The following PDE7B variants were observed in gnomAD, a reference collection of about 807,000 sequenced individuals.
PDE7B encodes the protein 3',5'-cyclic-AMP phosphodiesterase 7B.
PDE7B carries 29 observed loss-of-function variants against 56.2 expected under a neutral mutation model. That is an observed-to-expected ratio of 0.52 (90% confidence interval 0.38 to 0.70). The LOEUF (loss-of-function observed/expected upper bound fraction) is 0.70. Ranked by LOEUF, PDE7B falls within the 30% of genes least tolerant of loss-of-function variation. PDE7B has a pLI of 0.00. For synonymous variants in PDE7B, 197 were observed against 196.9 expected, an observed-to-expected ratio of 1.00 and a Z score of 0.00; for missense variants, 490 against 565.0, an observed-to-expected ratio of 0.87 and a Z score of 1.35.
chr6:136,036,668 C>G (rs1776329923), intron 2 of PDE7B, among the ~76,000 whole-genome samples: 1 of 152,170 alleles, frequency 6.6e-6, no homozygotes, highest in Non-Finnish European at 1.5e-5. Context: ...CCTCCTCTCT[C>G]CCATGAAGAA....
intron 3 of PDE7B, among the ~76,000 whole-genome samples, chr6:136,143,354 T>A (rs1778360069): frequency 6.6e-6 from 1 of 151,896 alleles, no homozygotes; most frequent in African/African-American, 2.4e-5. Context: ...CCATGTCTAT[T>A]ATATTTTTTT....
chr6:136,191,921 C>T lies in PDE7B; in HGVS notation c.*81C>T. ...GCAGCGTGGAGGGGCCCTCACGCAG[C>T]AGCCCAGCCACTTTCTGAGTGTTGT... On this transcript the variant is annotated 3_prime_UTR_variant, in exon 13 of 13. Coordinates refer to ENST00000308191, the MANE Select transcript of PDE7B (RefSeq NM_018945.4). 9.7e-7 allele frequency: 1 copy of T among 1,027,380 alleles called. No individual in the cohort carries two copies. The highest frequency in any genetic ancestry group is 1.4e-6 in the Non-Finnish European group (1 of 695,952). 63.6% of individuals were successfully genotyped at this position (1,027,380 alleles called of 1,614,324 possible).
At chr6:135,985,889 C>T (rs1775368317) in intron 2 of PDE7B, among the ~76,000 whole-genome samples, 1 of 152,146 alleles carries the variant, frequency 6.6e-6, no homozygotes, top group Admixed American at 6.5e-5. Context: ...TGTTTTCTGT[C>T]TCCAGATCCC....
intron 2 of PDE7B, among the ~76,000 whole-genome samples, chr6:135,956,853 A>G (rs1052269869): frequency 6.6e-6 from 1 of 151,832 alleles, no homozygotes; most frequent in Non-Finnish European, 1.5e-5. Context: ...AGAAAGAAAG[A>G]AGAAAAGAAA....
At chr6:136,174,291 T>C (rs145237264) in intron 9 of PDE7B, among the ~76,000 whole-genome samples, 1 of 152,334 alleles carries the variant, frequency 6.6e-6, no homozygotes, top group African/African-American at 2.4e-5. Flanking sequence ...CAAAAAAGTA[T>C]ATTTTGTAAT....
chr6:135,879,419 C>T (rs1379302559), intron 1 of PDE7B, among the ~76,000 whole-genome samples: 3 of 151,920 alleles, frequency 2.0e-5, no homozygotes, highest in Admixed American at 6.6e-5. Context: ...AACTGATCAG[C>T]GAGAAAGCCA....
intron 1 of PDE7B, among the ~76,000 whole-genome samples, chr6:135,934,828 A>T: frequency 2.7e-5 from 2 of 73,354 alleles, no homozygotes; most frequent in African/African-American, 4.2e-5. Context: ...ATATTTAATA[A>T]ATAAATATAT....
intron 2 of PDE7B, among the ~76,000 whole-genome samples, chr6:135,994,266 A>C (rs1277841544): frequency 6.6e-6 from 1 of 152,098 alleles, no homozygotes; most frequent in Admixed American, 6.5e-5. Flanking sequence ...CTTCAGAATA[A>C]GCACATTTGT....
chr6:135,879,283 A>C (rs900385348), intron 1 of PDE7B, among the ~76,000 whole-genome samples: 2 of 152,180 alleles, frequency 1.3e-5, no homozygotes, highest in African/African-American at 4.8e-5. Context: ...TGAAGTAAAT[A>C]GACCTTTTCC....
chr6:135,887,405 A>G (rs969476994), intron 1 of PDE7B, among the ~76,000 whole-genome samples: 6 of 152,164 alleles, frequency 3.9e-5, no homozygotes, highest in African/African-American at 1.4e-4. Flanking sequence ...AACTGTACAG[A>G]CTTAAAATAA....
intron 6 of PDE7B, among the ~76,000 whole-genome samples, chr6:136,152,702 T>C (rs1207459129): frequency 6.6e-6 from 1 of 152,260 alleles, no homozygotes; most frequent in Non-Finnish European, 1.5e-5. Context: ...CTCTGCCATT[T>C]ACATGTTTCT....
chr6:135,931,865 A>T lies in PDE7B; in HGVS notation c.22-15599A>T, dbSNP rs140146583. 2.8e-3 allele frequency among the ~76,000 whole-genome samples: 432 copies of T among 152,256 alleles called. 1 individual carries two copies. The highest frequency in any genetic ancestry group is 5.0e-3 in the Non-Finnish European group (342 of 68,008). On this transcript the variant is annotated intron_variant, in intron 1 of 12. Transcript: ENST00000308191. Reference sequence around the variant, plus strand: ...TGCACACAAACAGAAATGTACATTGAACTAAAAATCTTTGTACAATGAGGT... The same window carrying T: ...TGCACACAAACAGAAATGTACATTGTACTAAAAATCTTTGTACAATGAGGT...
At chr6:135,966,014 TAAAC>T (rs940523749) in intron 2 of PDE7B, among the ~76,000 whole-genome samples, 2 of 152,204 alleles carry the variant, frequency 1.3e-5, no homozygotes, top group African/African-American at 4.8e-5. Context: ...CCATTGTCCT[TAAAC>T]AAGCACTGAA....
intron 2 of PDE7B, among the ~76,000 whole-genome samples, chr6:136,101,884 C>T (rs865833955): frequency 2.1e-4 from 32 of 152,156 alleles, no homozygotes; most frequent in African/African-American, 6.8e-4. Context: ...GATAAATGTT[C>T]GGTTTTCCTC....
chr6:135,926,588 G>C (rs34794236), intron 1 of PDE7B, among the ~76,000 whole-genome samples: 6,627 of 151,990 alleles, frequency 0.044, 194 homozygotes, highest in Middle Eastern at 0.068. Flanking sequence ...TTTCAAAGAG[G>C]GTCATATGAC....
At chr6:136,151,121 G>A (rs1247703887) in intron 5 of PDE7B, 39 bp from the exon 6 acceptor site, 2 of 1,018,038 alleles carry the variant, frequency 2.0e-6, no homozygotes, top group Non-Finnish European at 3.1e-6. Flanking sequence ...TTTTAGTGGT[G>A]ATCAAAATTA....
intron 1 of PDE7B, among the ~76,000 whole-genome samples, chr6:135,924,864 A>G (rs1774156429): frequency 6.6e-6 from 1 of 151,630 alleles, no homozygotes. Context: ...GGTTAGGTTG[A>G]GTGGGTAGGT....
chr6:136,046,043 A>G (rs969380007), intron 2 of PDE7B, among the ~76,000 whole-genome samples: 3 of 151,962 alleles, frequency 2.0e-5, no homozygotes, highest in African/African-American at 4.8e-5. Context: ...AGCACTTCAG[A>G]AAACCTGCAG....
chr6:136,026,153 C>A (rs1021831299), intron 2 of PDE7B, among the ~76,000 whole-genome samples: 1 of 152,182 alleles, frequency 6.6e-6, no homozygotes, highest in African/African-American at 2.4e-5. Context: ...CCATTGCTAG[C>A]CCCTTTTCGT....
Sources: gnomAD v4.1 joint callset for allele counts (sites outside exome capture counted in the v4.1 genomes callset) on GRCh38, gnomAD v4.1.1 for gene constraint, MANE v1.5 for transcripts, NCBI Gene and HGNC (gene_info 2026-07-23, HGNC 2026-07-21) for gene names.